WNT7A: variants seen among roughly 807,000 people sequenced by gnomAD.
WNT7A encodes the protein protein Wnt-7a.
Under a neutral mutation model 28.2 loss-of-function variants are expected in WNT7A, and 16 were observed. The ratio of observed to expected loss-of-function variants is 0.57; its 90% CI spans 0.38 to 0.86. WNT7A has a LOEUF of 0.86. Among genes scored for constraint, WNT7A ranks in the 40% least tolerant of loss-of-function variants. The pLI is 0.00. For synonymous variants in WNT7A, 190 were observed against 195.9 expected, an observed-to-expected ratio of 0.97 and a Z score of 0.25; for missense variants, 411 against 489.7, an observed-to-expected ratio of 0.84 and a Z score of 1.52.
chr3:13,844,262 T>A (rs971087142), intron 3 of WNT7A, among the ~76,000 whole-genome samples: 5 of 152,180 alleles, frequency 3.3e-5, no homozygotes. Flanking sequence ...GTTTTCTTCA[T>A]CTGTCAAGCA....
intron 3 of WNT7A, among the ~76,000 whole-genome samples, chr3:13,830,885 T>G (rs2124835579): frequency 1.3e-5 from 2 of 152,204 alleles, no homozygotes; most frequent in East Asian, 3.9e-4. Flanking sequence ...TCTCCCAGAC[T>G]CTGGTGGGCA....
At chr3:13,838,999 AATG>A (rs2124843431) in intron 3 of WNT7A, among the ~76,000 whole-genome samples, 1 of 152,362 alleles carries the variant, frequency 6.6e-6, no homozygotes, top group East Asian at 1.9e-4. Flanking sequence ...TACATATTGA[AATG>A]ATATGTAATC....
intron 3 of WNT7A, among the ~76,000 whole-genome samples, chr3:13,821,246 G>T (rs527834597): frequency 6.6e-6 from 1 of 152,312 alleles, no homozygotes; most frequent in Non-Finnish European, 1.5e-5. Context: ...GATACCTGGG[G>T]GATGCTCAAA....
intron 3 of WNT7A, among the ~76,000 whole-genome samples, chr3:13,852,328 G>A (rs1385506078): frequency 1.3e-5 from 2 of 152,184 alleles, no homozygotes; most frequent in Non-Finnish European, 2.9e-5. Context: ...ACACATCTGC[G>A]AGCCTTTCCG....
chr3:13,847,902 A>C (rs1057268432), intron 3 of WNT7A, among the ~76,000 whole-genome samples: 2 of 152,208 alleles, frequency 1.3e-5, no homozygotes, highest in Non-Finnish European at 2.9e-5. Flanking sequence ...GGATGGCAGC[A>C]CAACAGTGAG....
At chr3:13,829,144 G>T (rs1034163361) in intron 3 of WNT7A, among the ~76,000 whole-genome samples, 2 of 152,158 alleles carry the variant, frequency 1.3e-5, no homozygotes, top group African/African-American at 4.8e-5. Context: ...GTCATCTTGT[G>T]ACCATTAGGC....
At chr3:13,856,280 A>G (rs1160380502) in intron 2 of WNT7A, among the ~76,000 whole-genome samples, 1 of 152,224 alleles carries the variant, frequency 6.6e-6, no homozygotes, top group East Asian at 1.9e-4. Context: ...TCCTGTCCGC[A>G]TCTCAGTCTG....
At chr3:13,819,524 C>T (rs991477468) in intron 3 of WNT7A, 101 bp from the exon 4 acceptor site, 1 of 1,411,976 alleles carries the variant, frequency 7.1e-7, no homozygotes, top group South Asian at 1.4e-5. Context: ...CCCCACCTAT[C>T]TGGGTCTGGC....
At chr3:13,830,273 G>A (rs558093714) in intron 3 of WNT7A, among the ~76,000 whole-genome samples, 4 of 152,192 alleles carry the variant, frequency 2.6e-5, no homozygotes, top group Non-Finnish European at 4.4e-5. Context: ...TTTGCTGGAT[G>A]TGGAGGCCCC....
chr3:13,854,774 T>C lies in WNT7A; in HGVS notation c.328A>G (p.Ile110Val). The C allele has an allele frequency of 1.2e-6, 2 of 1,613,518 alleles. No individual in the cohort carries two copies. The highest frequency in any genetic ancestry group is 1.7e-6 in the Non-Finnish European group (2 of 1,180,028). Reference sequence around the variant, plus strand: ...GCGTGGGCCACGCCGGCGGCAATGATGGCGTAGGTGAACGCAGCCTCCCGG... The same window carrying C: ...GCGTGGGCCACGCCGGCGGCAATGACGGCGTAGGTGAACGCAGCCTCCCGG... ...GSREAAFTYAIIAAGVAHAIT... is the reference protein window; with the variant it reads ...GSREAAFTYAVIAAGVAHAIT... Residue 110 changes from isoleucine (I) to valine (V), a missense_variant, in exon 3 of 4, where the codon ATC (isoleucine) becomes GTC (valine). Physicochemically the swap from Ile to Val is conservative, Grantham distance 29. Coordinates refer to ENST00000285018, the MANE Select transcript of WNT7A (RefSeq NM_004625.4).
At position 13,868,592 on chromosome 3, in the gene WNT7A, G is replaced by GAAAGAAAGAA. The variant is rs1559306974; in HGVS notation, c.298+6354_298+6355insTTCTTTCTTT. 5.3e-4 allele frequency among the ~76,000 whole-genome samples: 9 copies of GAAAGAAAGAA among 16,910 alleles called. 3 individuals carry two copies. Among genetic ancestry groups the GAAAGAAAGAA allele is most frequent in the African/African-American group, 6.7e-4 (2 of 2,982 alleles). The allele number at this position is 16,910 out of a possible 152,430, so 11.1% of individuals were successfully genotyped here. On this transcript the variant is annotated intron_variant, in intron 2 of 3. Transcript: ENST00000285018. ...AGAGAGAGAGAGAGAGAGAGAGAGG[G>GAAAGAAAGAA]AGAAAGAAAGAAAGAAAGAGAGAGA...
chr3:13,845,839 C>T (rs527342292), intron 3 of WNT7A, among the ~76,000 whole-genome samples: 3 of 152,202 alleles, frequency 2.0e-5, no homozygotes, highest in African/African-American at 4.8e-5. Flanking sequence ...GACACCGAGG[C>T]GAGTCTCACG....
At chr3:13,870,787 T>C (rs1484682789) in intron 2 of WNT7A, among the ~76,000 whole-genome samples, 1 of 152,264 alleles carries the variant, frequency 6.6e-6, no homozygotes, top group Non-Finnish European at 1.5e-5. Context: ...GAGGTGGCCC[T>C]GGGGTTGCCG....
At chr3:13,856,749 T>G (rs1575069544) in intron 2 of WNT7A, among the ~76,000 whole-genome samples, 1 of 151,386 alleles carries the variant, frequency 6.6e-6, no homozygotes. Flanking sequence ...ACCTGGGAGG[T>G]GGAGGTTGCA....
At chr3:13,877,719 T>G (rs1456463317) in intron 1 of WNT7A, among the ~76,000 whole-genome samples, 1 of 152,158 alleles carries the variant, frequency 6.6e-6, no homozygotes, top group East Asian at 1.9e-4. Context: ...GCTGTGAAAA[T>G]CAAATGTGCT....
At chr3:13,838,162 T>G (rs1694400058) in intron 3 of WNT7A, among the ~76,000 whole-genome samples, 1 of 151,920 alleles carries the variant, frequency 6.6e-6, no homozygotes, top group Non-Finnish European at 1.5e-5. Context: ...GTGGGGGGCA[T>G]GGTTGAGAAA....
chr3:13,820,998 C>G (rs73817629), intron 3 of WNT7A, among the ~76,000 whole-genome samples: 1 of 152,208 alleles, frequency 6.6e-6, no homozygotes, highest in South Asian at 2.1e-4. Flanking sequence ...GCTGGATGAG[C>G]AGCCCCTTCA....
chr3:13,834,970 A>G (rs752894059), intron 3 of WNT7A, among the ~76,000 whole-genome samples: 1 of 152,250 alleles, frequency 6.6e-6, no homozygotes, highest in Non-Finnish European at 1.5e-5. Context: ...TGAATGACTG[A>G]GAGCAGTAAG....
intron 3 of WNT7A, among the ~76,000 whole-genome samples, chr3:13,830,675 C>T (rs1694267799): frequency 6.6e-6 from 1 of 152,146 alleles, no homozygotes; most frequent in Non-Finnish European, 1.5e-5. Context: ...GTGACTGTCT[C>T]CCTCTGCCTA....
Sources: allele counts gnomAD v4.1 joint callset (sites outside exome capture counted in the v4.1 genomes callset), GRCh38; gene constraint gnomAD v4.1.1; transcripts MANE v1.5; gene names NCBI Gene and HGNC (gene_info 2026-07-23, HGNC 2026-07-21).